Variants in PCDH11X observed in about 807,000 individuals in gnomAD.
The protein encoded by PCDH11X is protocadherin 11 X-linked.
A neutral mutation model predicts 53.3 loss-of-function variants in PCDH11X; 18 were observed. The ratio of observed to expected loss-of-function variants is 0.34; its 90% CI spans 0.23 to 0.50. The LOEUF (loss-of-function observed/expected upper bound fraction) is 0.50, where lower values mean the gene tolerates loss of function less well. Among genes scored for constraint, PCDH11X ranks in the 20% least tolerant of loss-of-function variants. PCDH11X has a pLI of 0.98. For synonymous variants in PCDH11X, 279 were observed against 393.3 expected, an observed-to-expected ratio of 0.71 and a Z score of 3.44; for missense variants, 570 against 1,032.4, an observed-to-expected ratio of 0.55 and a Z score of 6.14.
chrX:92,547,741 T>C (rs1400582621), intron 10 of PCDH11X, among the ~76,000 whole-genome samples: 1 of 110,472 alleles, frequency 9.1e-6, no homozygotes, highest in Admixed American at 9.7e-5. Flanking sequence ...TTTATTTTTT[T>C]ATTTTTTGAG....
chrX:92,141,049 A>T, intron 6 of PCDH11X, among the ~76,000 whole-genome samples: 1 of 111,602 alleles, frequency 9.0e-6, no homozygotes, highest in Middle Eastern at 4.6e-3. Flanking sequence ...GTATCTGTAT[A>T]CAATGCCACC....
intron 8 of PCDH11X, among the ~76,000 whole-genome samples, chrX:92,316,113 C>G (rs2069070639): frequency 1.0e-5 from 1 of 98,353 alleles, no homozygotes; most frequent in East Asian, 3.5e-4. Context: ...AATCTTTGTG[C>G]CGGCAATTGT....
intron 10 of PCDH11X, 103 bp from the exon 11 acceptor site, chrX:92,618,161 T>G (rs1408049312): frequency 2.9e-6 from 3 of 1,046,089 alleles, no homozygotes; most frequent in Non-Finnish European, 2.6e-6. Context: ...TTAATGCATT[T>G]GTATATAGGT....
chrX:92,013,993 A>T lies in PCDH11X; in HGVS notation c.3033+134720A>T, dbSNP rs756908390. Among the ~76,000 whole-genome samples the T allele has an allele frequency of 4.2e-4, 47 of 111,976 alleles. No individual in the cohort carries two copies. In the East Asian group the frequency reaches 0.012, roughly 29 times the overall value. ...CATGGGCAAGGACTTCATGTCTAAA[A>T]CACCAAAAGCAATGGCAACAAAAGC... is the stretch of plus-strand genomic sequence containing the variant. On this transcript the variant is annotated intron_variant, in intron 6 of 10. Coordinates refer to ENST00000682573, the MANE Select transcript of PCDH11X (RefSeq NM_032968.5).
At position 91,980,686 on chromosome X, in the gene PCDH11X, C is replaced by T. The variant is rs376976876; in HGVS notation, c.3033+101413C>T. 8.0e-4 allele frequency among the ~76,000 whole-genome samples: 85 copies of T among 106,440 alleles called. No individual in the cohort carries two copies. The East Asian group carries it at 0.014, about 17-fold the overall frequency. 92.4% of individuals were successfully genotyped at this position (106,440 alleles called of 115,157 possible). On this transcript the variant is annotated intron_variant, in intron 6 of 10. Coordinates refer to ENST00000682573, the MANE Select transcript of PCDH11X (RefSeq NM_032968.5). ...CTGAGCTCAACAGATCATCCCGCTG[C>T]GCCCTCCCAAAGTTCTGGGATTACA...
At chrX:92,274,421 G>A (rs1336204044) in intron 8 of PCDH11X, among the ~76,000 whole-genome samples, 1 of 110,992 alleles carries the variant, frequency 9.0e-6, no homozygotes, top group African/African-American at 3.3e-5. Context: ...GTATTGAGGT[G>A]GGAAGGCTAA....
intron 7 of PCDH11X, among the ~76,000 whole-genome samples, chrX:92,231,602 A>G: frequency 8.9e-6 from 1 of 111,827 alleles, no homozygotes; most frequent in Non-Finnish European, 1.9e-5. Context: ...CAGGGCCTTT[A>G]ATATGTTTGT....
rs914489200 is a variant in PCDH11X, at chrX:92,260,887, C to T, written c.3115-2227C>T. Among the ~76,000 whole-genome samples, 6 of 111,477 alleles carry T rather than the reference C, an allele frequency of 5.4e-5. No homozygotes were observed. The East Asian group carries it at 1.4e-3, about 26-fold the overall frequency. ...TAATGTATATTGTGCAAAAACTGAG[C>T]CAATAGACATTCAGATGCAATAACT... On this transcript the variant is annotated intron_variant, in intron 7 of 10. Transcript: ENST00000682573.
intron 10 of PCDH11X, among the ~76,000 whole-genome samples, chrX:92,604,738 G>A (rs1347209225): frequency 9.1e-6 from 1 of 109,310 alleles, no homozygotes; most frequent in South Asian, 3.8e-4. Flanking sequence ...GTAAAATTAC[G>A]GAAAATCATT....
chrX:92,151,121 T>A (rs1377103001), intron 6 of PCDH11X, among the ~76,000 whole-genome samples: 1 of 109,881 alleles, frequency 9.1e-6, no homozygotes, highest in Admixed American at 9.7e-5. Flanking sequence ...TTTTTTATAT[T>A]CTTTTTCAGT....
intron 9 of PCDH11X, among the ~76,000 whole-genome samples, chrX:92,401,145 C>A (rs1358196264): frequency 4.6e-5 from 5 of 108,474 alleles, no homozygotes; most frequent in Admixed American, 4.1e-4. Flanking sequence ...TCAAAATTTT[C>A]CTTTTTTCAT....
chrX:91,866,718 T>G (rs994544735), intron 5 of PCDH11X, among the ~76,000 whole-genome samples: 4 of 110,946 alleles, frequency 3.6e-5, no homozygotes, highest in Non-Finnish European at 7.6e-5. Flanking sequence ...CTCACCTGAT[T>G]TTTTCATTCC....
intron 8 of PCDH11X, among the ~76,000 whole-genome samples, chrX:92,285,453 A>C (rs1425291421): frequency 9.2e-6 from 1 of 109,246 alleles, no homozygotes; most frequent in Non-Finnish European, 1.9e-5. Context: ...GGGTTTCTCC[A>C]TGTTGGTCAG....
chrX:92,454,456 T>A (rs1315116438), intron 9 of PCDH11X, among the ~76,000 whole-genome samples: 1 of 110,370 alleles, frequency 9.1e-6, no homozygotes, highest in Non-Finnish European at 1.9e-5. Context: ...ATTTTGGTGG[T>A]GTTTTAGATT....
intron 6 of PCDH11X, among the ~76,000 whole-genome samples, chrX:92,088,693 C>T (rs2063999633): frequency 9.0e-6 from 1 of 111,659 alleles, no homozygotes; most frequent in African/African-American, 3.2e-5. Context: ...ACGTTTCTTT[C>T]TATGGAATGA....
At chrX:92,499,125 A>G (rs1194260859) in intron 10 of PCDH11X, among the ~76,000 whole-genome samples, 3 of 108,172 alleles carry the variant, frequency 2.8e-5, no homozygotes, top group Non-Finnish European at 5.7e-5. Flanking sequence ...AGTTCTTTTC[A>G]TATTTTGTTT....
chrX:92,413,319 TC>T (rs1456196478), intron 9 of PCDH11X, among the ~76,000 whole-genome samples: 1 of 48,208 alleles, frequency 2.1e-5, no homozygotes, highest in Non-Finnish European at 3.5e-5. Flanking sequence ...TTTGATTCTT[TC>T]CTCAGCTATC....
intron 4 of PCDH11X, among the ~76,000 whole-genome samples, chrX:91,826,298 A>T (rs1936924167): frequency 9.0e-6 from 1 of 111,305 alleles, no homozygotes; most frequent in Non-Finnish European, 1.9e-5. Context: ...TTGTAAATAC[A>T]TTTGAATTTT....
At chrX:91,839,930 C>A (rs1389824102) in intron 5 of PCDH11X, among the ~76,000 whole-genome samples, 1 of 111,898 alleles carries the variant, frequency 8.9e-6, no homozygotes, top group Non-Finnish European at 1.9e-5. Context: ...TCACACACAT[C>A]GTACTACACA....
Sources: allele counts gnomAD v4.1 joint callset (sites outside exome capture counted in the v4.1 genomes callset), GRCh38; gene constraint gnomAD v4.1.1; transcripts MANE v1.5; gene names NCBI Gene and HGNC (gene_info 2026-07-23, HGNC 2026-07-21).